The following TTC21B variants were observed in gnomAD, a reference collection of about 807,000 sequenced individuals.
The protein encoded by TTC21B is tetratricopeptide repeat protein 21B.
A neutral mutation model predicts 175.1 loss-of-function variants in TTC21B; 127 were observed. That is an observed-to-expected ratio of 0.73 (90% CI 0.63 to 0.84). TTC21B has a LOEUF of 0.84. Ranked by LOEUF, TTC21B falls within the 40% of genes least tolerant of loss-of-function variation. The pLI, the probability that TTC21B is intolerant of heterozygous loss-of-function variation, is 0.00. For synonymous variants in TTC21B, 524 were observed against 524.5 expected (o/e 1.00, Z 0.01); for missense variants, 1,561 against 1,558.3 (o/e 1.00, Z -0.03).
intron 15 of TTC21B, 59 bp from the exon 16 acceptor site, chr2:165,913,705 A>C (rs1026700154): frequency 7.2e-7 from 1 of 1,392,424 alleles, no homozygotes. Context: ...TTCCAAAAAT[A>C]AAATAAAATA....
chr2:165,873,559 T>C lies in TTC21B; in HGVS notation c.*1196A>G, dbSNP rs1286644336. 1 of 152,204 alleles carries C rather than the reference T, an allele frequency of 6.6e-6. No homozygotes were observed. Among genetic ancestry groups the C allele is most frequent in the African/African-American group, 2.4e-5 (1 of 41,446 alleles). The allele number at this position is 152,204 out of a possible 1,614,324, so 9.4% of individuals were successfully genotyped here. On this transcript the variant is annotated 3_prime_UTR_variant, in exon 29 of 29. Coordinates refer to ENST00000243344, the MANE Select transcript of TTC21B (RefSeq NM_024753.5). ...CTGTTAAACAGAGCTGGGTAAACCG[T>C]TGCCTTCACATGGTGTGCTTTGTGA...
intron 21 of TTC21B, 46 bp from the exon 22 acceptor site, chr2:165,898,813 CACA>C (rs764218518): frequency 3.4e-5 from 39 of 1,143,676 alleles, no homozygotes; most frequent in African/African-American, 9.1e-5. Flanking sequence ...ATGTATTTTA[CACA>C]ACATGTTCTT....
intron 14 of TTC21B, among the ~76,000 whole-genome samples, chr2:165,916,741 A>G (rs1244409474): frequency 6.6e-6 from 1 of 152,236 alleles, no homozygotes; most frequent in African/African-American, 2.4e-5. Flanking sequence ...CAACATGAGC[A>G]CACTGATACT....
chr2:165,902,137 C>G (rs1333883659), intron 19 of TTC21B, among the ~76,000 whole-genome samples: 2 of 152,152 alleles, frequency 1.3e-5, no homozygotes, highest in Non-Finnish European at 2.9e-5. Flanking sequence ...ATTACTGAGT[C>G]TTTTCCCACT....
intron 22 of TTC21B, among the ~76,000 whole-genome samples, chr2:165,892,770 G>A (rs967223047): frequency 3.3e-5 from 5 of 152,134 alleles, no homozygotes; most frequent in South Asian, 4.1e-4. Flanking sequence ...TGGCAAAAAC[G>A]CAAAACGTTG....
In TTC21B at chr2:165,911,403, C is replaced by T. The variant is rs80225158; in HGVS notation, c.2385G>A (p.Leu795=). Residue 795 remains leucine, a synonymous_variant, in exon 18 of 29, where the codon CTG becomes CTA. Transcript: ENST00000243344. ...ATTTCAATTTTAATAAGAGCTCAGC[C>T]AGGTCATAGCAAAGATAATTCTTTT... is the stretch of plus-strand genomic sequence containing the variant. ...TGQKNYLCYD[L]AELLLKLKWY... 3.1e-6 allele frequency: 5 copies of T among 1,613,688 alleles called. No individual in the cohort carries two copies. The highest frequency in any genetic ancestry group is 4.2e-6 in the Non-Finnish European group (5 of 1,179,902).
At chr2:165,878,100 T>G (rs1032554607) in intron 27 of TTC21B, among the ~76,000 whole-genome samples, 4 of 152,184 alleles carry the variant, frequency 2.6e-5, no homozygotes, top group Admixed American at 2.6e-4. Flanking sequence ...CTTAGTATAA[T>G]TTTAAAAATC....
At chr2:165,914,699 T>TGTGTGTGTGTGTGTGTGTGTGTGTG (rs1559056094) in intron 15 of TTC21B, among the ~76,000 whole-genome samples, 1 of 12,232 alleles carries the variant, frequency 8.2e-5, no homozygotes, top group African/African-American at 6.8e-4. Context: ...GTGTGTGTGT[T>TGTGTGTGTGTGTGTGTGTGTGTGTG]GTGTATCCCA....
At chr2:165,898,804 T>G (rs758099466) in intron 21 of TTC21B, 37 bp from the exon 22 acceptor site, 1 of 1,254,580 alleles carries the variant, frequency 8.0e-7, no homozygotes, top group Admixed American at 1.7e-5. Flanking sequence ...AATATTGCCA[T>G]GTATTTTACA....
intron 13 of TTC21B, among the ~76,000 whole-genome samples, chr2:165,918,419 C>T (rs1346866737): frequency 2.0e-5 from 3 of 152,140 alleles, no homozygotes; most frequent in Non-Finnish European, 4.4e-5. Context: ...CTCAGTCTCC[C>T]GAGTAGCTGG....
At chr2:165,895,454 C>T (rs1193952834) in intron 22 of TTC21B, among the ~76,000 whole-genome samples, 1 of 6,880 alleles carries the variant, frequency 1.5e-4, no homozygotes, top group Non-Finnish European at 6.7e-4. Flanking sequence ...AACTATAATA[C>T]TTTTAATGAC....
chr2:165,913,680 AAC>A, intron 15 of TTC21B, 34 bp from the exon 16 acceptor site: 4 of 1,503,032 alleles, frequency 2.7e-6, no homozygotes, highest in Non-Finnish European at 3.7e-6. Context: ...TAGCATATTG[AAC>A]ACAGATATCT....
At chr2:165,879,013 T>G (rs1684760089) in intron 27 of TTC21B, among the ~76,000 whole-genome samples, 1 of 152,074 alleles carries the variant, frequency 6.6e-6, no homozygotes, top group Non-Finnish European at 1.5e-5. Flanking sequence ...TTCTGACAAC[T>G]GAAAAAGTGA....
At chr2:165,888,190 C>A in intron 25 of TTC21B, 89 bp downstream of exon 25, 2 of 1,080,104 alleles carry the variant, frequency 1.9e-6, no homozygotes, top group South Asian at 1.4e-5. Context: ...TTAAGTCAAT[C>A]TTCAGAAAAT....
intron 6 of TTC21B, among the ~76,000 whole-genome samples, chr2:165,934,500 C>CAAAAAAAAAAAAAAA (rs369089707): frequency 1.4e-5 from 1 of 71,906 alleles, no homozygotes. Flanking sequence ...GACTCTGTCT[C>CAAAAAAAAAAAAAAA]AAAAAAAAAA....
In TTC21B at chr2:165,926,991, C is replaced by CATATATATATATATATATATATAT. The variant is rs367965246; in HGVS notation, c.1386+2120_1386+2143dup. 2.7e-4 allele frequency among the ~76,000 whole-genome samples: 4 copies of CATATATATATATATATATATATAT among 14,618 alleles called. 1 individual carries two copies. Among genetic ancestry groups the CATATATATATATATATATATATAT allele is most frequent in the African/African-American group, 5.5e-4 (3 of 5,422 alleles). 9.6% of individuals were successfully genotyped at this position (14,618 alleles called of 152,430 possible). ...TATATGGAGTATATATATAAACTCC[C>CATATATATATATATATATATATAT]ATATATATATATATATATATATATA... On this transcript the variant is annotated intron_variant, in intron 11 of 28. Transcript: ENST00000243344.
rs1168941782 is a variant in TTC21B at position 165,953,751 on chromosome 2, G to A, written c.-46C>T. The stretch of plus-strand genomic sequence containing the variant: ...GCGGGGCTCTGGGGATTGTCTCGCC[G>A]CAGCCTAAAGGAAGACGCAGAATTC... On this transcript the variant is annotated 5_prime_UTR_variant, in exon 1 of 29. Transcript: ENST00000243344. The A allele has an allele frequency of 6.5e-7, 1 of 1,548,078 alleles. No individual in the cohort carries two copies. The highest frequency in any genetic ancestry group is 2.0e-5 in the Admixed American group (1 of 50,948).
chr2:165,890,530 T>C lies in TTC21B; in HGVS notation c.3212A>G (p.Asp1071Gly). ...YNMIEICLNP[D>G]NETVGGEVFE... ...TACTTCACCTCCAACAGTTTCATTA[T>C]CTGGATTCAAACAGATCTCTATCAT... The change falls in exon 24 of 29, where the codon GAT becomes GGT. Residue 1071 changes from aspartate (D) to glycine (G), a missense_variant. Coordinates refer to ENST00000243344, the MANE Select transcript of TTC21B (RefSeq NM_024753.5). The C allele has an allele frequency of 6.2e-7, 1 of 1,613,678 alleles. No homozygotes were observed. Among genetic ancestry groups the C allele is most frequent in the South Asian group, 1.1e-5 (1 of 91,072 alleles).
At chr2:165,941,237 T>C in intron 5 of TTC21B, 53 bp from the exon 6 acceptor site, 2 of 1,594,086 alleles carry the variant, frequency 1.3e-6, no homozygotes, top group Non-Finnish European at 1.7e-6. Flanking sequence ...CATATCAAAG[T>C]TCTCATAACG....
Sources: allele counts gnomAD v4.1 joint callset (sites outside exome capture counted in the v4.1 genomes callset), GRCh38; gene constraint gnomAD v4.1.1; transcripts MANE v1.5; gene names NCBI Gene and HGNC (gene_info 2026-07-23, HGNC 2026-07-21).